The following CAPN7 variants were observed in gnomAD, a reference collection of about 807,000 sequenced individuals.
The protein encoded by CAPN7 is calpain 7, also known as calpain-7.
A neutral mutation model predicts 115.2 loss-of-function variants in CAPN7; 72 were observed. The observed-to-expected ratio is 0.63, with a 90% CI of 0.52 to 0.76. CAPN7 has a LOEUF of 0.76. Ranked by LOEUF, CAPN7 falls within the 30% of genes least tolerant of loss-of-function variation. The probability of loss-of-function intolerance (pLI) is 0.00; values close to 1 mark genes in which losing one functional copy is unlikely to be tolerated. For synonymous variants in CAPN7, 344 were observed against 322.3 expected, an observed-to-expected ratio of 1.07 and a Z score of -0.72; for missense variants, 905 against 971.5, an observed-to-expected ratio of 0.93 and a Z score of 0.91.
intron 8 of CAPN7, among the ~76,000 whole-genome samples, chr3:15,229,522 A>ATTTGTGAT (rs1427047614): frequency 8.4e-6 from 1 of 119,492 alleles, no homozygotes; most frequent in African/African-American, 3.1e-5. Context: ...TCATATTTCG[A>ATTTGTGAT]TTTGTGATTA....
In CAPN7 at chr3:15,246,220, C is replaced by T. The variant is rs139009523; in HGVS notation, c.2011-512C>T. 9.4e-3 allele frequency: 1,462 copies of T among 154,880 alleles called. 26 individuals carry two copies. The highest frequency in any genetic ancestry group is 0.031 in the African/African-American group (1,295 of 41,560). 9.6% of individuals were successfully genotyped at this position (154,880 alleles called of 1,614,324 possible). A position where few individuals can be genotyped will look rare whatever the true frequency, so the allele number is the denominator to read the frequency against. On this transcript the variant is annotated intron_variant, in intron 17 of 20. Coordinates refer to ENST00000253693, the MANE Select transcript of CAPN7 (RefSeq NM_014296.3). The stretch of plus-strand genomic sequence containing the variant: ...CCCAAAGTGCTGGGATTACTGGTGT[C>T]AGCCACTGCACCCAGCCAATATATT...
intron 8 of CAPN7, among the ~76,000 whole-genome samples, chr3:15,229,561 CTTTTTTTTTTTTTTTTTTTTT>C (rs566957976): frequency 1.1e-5 from 1 of 87,836 alleles, no homozygotes; most frequent in Non-Finnish European, 2.2e-5. Context: ...TACTTTTTTT[CTTTTTTTTTTTTTTTTTTTTT>C]TTTTTTTGGA....
chr3:15,247,400 TC>T lies in CAPN7; in HGVS notation c.2148del (p.Tyr717ThrfsTer5). ...CAAGAGACTCACAAAAATAACCCCA[TC>T]TACCAATTCCATATAGAAAAGACTG... Reference protein sequence around the residue: ...NFQETHKNNPIYQFHIEKTGP... With the variant: ...NFQETHKNNPXYQFHIEKTGP... On this transcript the variant is annotated frameshift_variant, in exon 19 of 21. Transcript: ENST00000253693. LOFTEE classifies it high-confidence loss of function. 6.2e-7 allele frequency: 1 copy of T among 1,612,012 alleles called. No homozygotes were observed.
intron 16 of CAPN7, 39 bp from the exon 17 acceptor site, chr3:15,245,485 GAA>G: frequency 6.4e-7 from 1 of 1,570,638 alleles, no homozygotes; most frequent in Non-Finnish European, 8.6e-7. Flanking sequence ...ATTAAAGAAA[GAA>G]AAGTCTCCTT....
intron 12 of CAPN7, among the ~76,000 whole-genome samples, chr3:15,239,667 G>A (rs923391654): frequency 6.6e-6 from 1 of 152,190 alleles, no homozygotes; most frequent in South Asian, 2.1e-4. Context: ...ATTACTAAAT[G>A]CTAGATACTT....
intron 19 of CAPN7, 57 bp from the exon 20 acceptor site, chr3:15,250,874 T>G (rs1695968027): frequency 7.9e-7 from 1 of 1,258,620 alleles, no homozygotes; most frequent in African/African-American, 1.5e-5. Context: ...AAAGTTATTT[T>G]AAATCACGTT....
rs755938467 is a variant in CAPN7, at chr3:15,240,460, C to CT, written c.1408-7dup. 2.5e-6 allele frequency: 4 copies of CT among 1,605,558 alleles called. No individual in the cohort carries two copies. The highest frequency in any genetic ancestry group is 2.5e-6 in the Non-Finnish European group (3 of 1,177,966). On this transcript the variant is annotated splice_polypyrimidine_tract_variant and intron_variant, in intron 12 of 20. Transcript: ENST00000253693. ...TACAACTTAATGTTATCTCCTGTTT[C>CT]TTTTTTATATAGGGGCTGCGATTTA...
At position 15,224,973 on chromosome 3, in the gene CAPN7, A is replaced by G. The variant is rs184472146; in HGVS notation, c.725+1412A>G. ...CTTTATAGCATTAATGTTCAGGGAA[A>G]GATTCTAGAGCCAGACTTTCTGGTC... On this transcript the variant is annotated intron_variant, in intron 6 of 20. Coordinates refer to ENST00000253693, the MANE Select transcript of CAPN7 (RefSeq NM_014296.3). 2.0e-5 allele frequency among the ~76,000 whole-genome samples: 3 copies of G among 152,324 alleles called. No homozygotes were observed. The East Asian group carries it at 5.8e-4, about 29-fold the overall frequency.
At chr3:15,246,824 G>T in intron 18 of CAPN7, 30 bp downstream of exon 18, 1 of 1,477,298 alleles carries the variant, frequency 6.8e-7, no homozygotes, top group Admixed American at 1.9e-5. Flanking sequence ...TGTAATCTCA[G>T]CATTCTTTTA....
At chr3:15,246,921 G>A in intron 18 of CAPN7, 127 bp downstream of exon 18, 1 of 750,902 alleles carries the variant, frequency 1.3e-6, no homozygotes, top group Middle Eastern at 3.0e-4. Flanking sequence ...AAACGTAAAT[G>A]GCCTCAATTT....
At position 15,227,957 on chromosome 3, in the gene CAPN7, A is replaced by G; in HGVS notation, c.844A>G (p.Ile282Val). 3 of 1,449,226 alleles carry G rather than the reference A, an allele frequency of 2.1e-6. No individual in the cohort carries two copies. The highest frequency in any genetic ancestry group is 1.8e-6 in the Non-Finnish European group (2 of 1,097,602). The allele number at this position is 1,449,226 out of a possible 1,614,324, so 89.8% of individuals were successfully genotyped here. A position where few individuals can be genotyped will look rare whatever the true frequency, so the allele number is the denominator to read the frequency against. ...TMIYTVSSFS[I>V]KQTIVSDCSF... Reference sequence around the variant, plus strand: ...GATATATACTGTGTCCAGTTTTAGCATAAAGCAGGTGAGCATTTATTTTGT... The same window carrying G: ...GATATATACTGTGTCCAGTTTTAGCGTAAAGCAGGTGAGCATTTATTTTGT... The change falls in exon 7 of 21, where the codon ATA (isoleucine) becomes GTA (valine). Residue 282 changes from isoleucine to valine, a missense_variant. Ile to Val is a conservative substitution (Grantham distance 29). This residue lies in a region of CAPN7 where 620 missense variants were observed against 703.4 expected (regional missense o/e 0.88). Coordinates refer to ENST00000253693, the MANE Select transcript of CAPN7 (RefSeq NM_014296.3).
intron 17 of CAPN7, 56 bp downstream of exon 17, chr3:15,245,727 C>T (rs1695620185): frequency 1.4e-6 from 2 of 1,453,036 alleles, no homozygotes; most frequent in African/African-American, 1.4e-5. Context: ...ATGTAATATG[C>T]TCTGCTTTGT....
At chr3:15,243,147 C>CG (rs1695451747) in intron 16 of CAPN7, among the ~76,000 whole-genome samples, 1 of 152,174 alleles carries the variant, frequency 6.6e-6, no homozygotes, top group Non-Finnish European at 1.5e-5. Flanking sequence ...AAAAGCATTA[C>CG]AGGCAGAGGG....
chr3:15,234,486 A>T (rs1409408359), intron 11 of CAPN7, among the ~76,000 whole-genome samples: 1 of 152,182 alleles, frequency 6.6e-6, no homozygotes, highest in Non-Finnish European at 1.5e-5. Flanking sequence ...AGTTACAGTT[A>T]ATCCAAATTG....
intron 1 of CAPN7, among the ~76,000 whole-genome samples, chr3:15,208,210 C>CT (rs537018111): frequency 0.018 from 2,176 of 124,292 alleles, 40 homozygotes; most frequent in African/African-American, 0.048. Flanking sequence ...TGTGTATATG[C>CT]TTTTTTTTTT....
At chr3:15,234,884 A>C in intron 11 of CAPN7, 141 bp from the exon 12 acceptor site, 1 of 552,518 alleles carries the variant, frequency 1.8e-6, no homozygotes, top group Non-Finnish European at 3.0e-6. Context: ...TGTGCATTAG[A>C]AATGTACTTC....
Position 15,206,539 on chromosome 3 carries a change from G to A in CAPN7, c.44G>A (p.Arg15His). ...GAGCGGGACGCTGTGCAGTTCGCCCGTCTGGCGGTTCAGCGCGACCACGAA... is the reference window on the plus strand; with the variant it reads ...GAGCGGGACGCTGTGCAGTTCGCCCATCTGGCGGTTCAGCGCGACCACGAA... ...ALERDAVQFA[R>H]LAVQRDHEGR... Residue 15 changes from arginine to histidine, a missense_variant, in exon 1 of 21, where the codon CGT (arginine) becomes CAT (histidine). Coordinates refer to ENST00000253693, the MANE Select transcript of CAPN7 (RefSeq NM_014296.3). The A allele has an allele frequency of 1.3e-6, 2 of 1,556,648 alleles. No homozygotes were observed. Among genetic ancestry groups the A allele is most frequent in the Non-Finnish European group, 1.7e-6 (2 of 1,150,652 alleles).
chr3:15,223,334 C>T, intron 5 of CAPN7, 141 bp from the exon 6 acceptor site: 19 of 599,584 alleles, frequency 3.2e-5, no homozygotes, highest in South Asian at 6.0e-5. Context: ...AAATATTGTC[C>T]AAAGATATAT....
intron 4 of CAPN7, 27 bp downstream of exon 4, chr3:15,218,567 C>A: frequency 1.3e-6 from 2 of 1,506,010 alleles, no homozygotes; most frequent in Non-Finnish European, 1.8e-6. Context: ...AAGTTCTAAT[C>A]CATGGATGGC....
Sources: allele counts gnomAD v4.1 joint callset (sites outside exome capture counted in the v4.1 genomes callset), GRCh38; gene constraint gnomAD v4.1.1; regional missense constraint gnomAD v4.1.1; transcripts MANE v1.5; gene names NCBI Gene and HGNC (gene_info 2026-07-23, HGNC 2026-07-21).